SOX5: variants seen among roughly 807,000 people sequenced by gnomAD.
SOX5 encodes transcription factor SOX-5.
Under a neutral mutation model 92.0 loss-of-function variants are expected in SOX5, and 9 were observed. That is an observed-to-expected ratio of 0.10 (90% CI 0.06 to 0.17). The LOEUF (loss-of-function observed/expected upper bound fraction) is 0.17. Ranked by LOEUF, SOX5 falls within the 10% of genes least tolerant of loss-of-function variation. SOX5 has a pLI of 1.00. For missense variants in SOX5, 642 were observed against 944.5 expected, an observed-to-expected ratio of 0.68 and a Z score of 4.20; for synonymous variants, 344 against 336.3, an observed-to-expected ratio of 1.02 and a Z score of -0.25.
At chr12:24,160,003 C>T (rs1348608157) in intron 4 of SOX5, among the ~76,000 whole-genome samples, 1 of 151,822 alleles carries the variant, frequency 6.6e-6, no homozygotes, top group African/African-American at 2.4e-5. Flanking sequence ...ATAACCATTA[C>T]ATATAGAAAA....
chr12:23,732,910 T>C (rs2093444565), intron 6 of SOX5, among the ~76,000 whole-genome samples: 1 of 152,182 alleles, frequency 6.6e-6, no homozygotes. Flanking sequence ...TAAGTGCTTT[T>C]CATTAAAAAA....
intron 3 of SOX5, among the ~76,000 whole-genome samples, chr12:23,810,799 T>C (rs2142406971): frequency 6.6e-6 from 1 of 152,292 alleles, no homozygotes; most frequent in Non-Finnish European, 1.5e-5. Context: ...CAACAGTGGA[T>C]AAAGATCACT....
chr12:24,216,444 A>G (rs1959172959), intron 3 of SOX5, among the ~76,000 whole-genome samples: 1 of 152,040 alleles, frequency 6.6e-6, no homozygotes, highest in Non-Finnish European at 1.5e-5. Context: ...AGGTCACGCC[A>G]CCGCACTACA....
At chr12:24,059,096 A>G (rs1214841102) in intron 4 of SOX5, among the ~76,000 whole-genome samples, 6 of 151,934 alleles carry the variant, frequency 3.9e-5, no homozygotes, top group Non-Finnish European at 7.4e-5. Flanking sequence ...CTCTCTACAT[A>G]ATTATATACA....
intron 6 of SOX5, among the ~76,000 whole-genome samples, chr12:23,677,494 C>T (rs911491364): frequency 1.3e-5 from 2 of 152,114 alleles, no homozygotes; most frequent in African/African-American, 4.8e-5. Flanking sequence ...AGTAACATAA[C>T]TGGAACATAT....
intron 3 of SOX5, among the ~76,000 whole-genome samples, chr12:23,841,026 A>G (rs1056551070): frequency 2.6e-5 from 4 of 152,172 alleles, no homozygotes; most frequent in African/African-American, 9.6e-5. Flanking sequence ...TCAAAAGACA[A>G]TGTTAAGACA....
intron 9 of SOX5, among the ~76,000 whole-genome samples, chr12:23,603,557 G>A (rs2074844794): frequency 6.7e-6 from 1 of 150,196 alleles, no homozygotes; most frequent in African/African-American, 2.4e-5. Flanking sequence ...GTAATCTCAA[G>A]GAATACTGCT....
intron 1 of SOX5, among the ~76,000 whole-genome samples, chr12:24,420,403 G>C (rs1484050434): frequency 6.6e-6 from 1 of 152,128 alleles, no homozygotes; most frequent in Non-Finnish European, 1.5e-5. Context: ...CAACTTGAAA[G>C]GGTTCCCATT....
At chr12:24,124,015 C>G (rs1792639678) in intron 4 of SOX5, among the ~76,000 whole-genome samples, 1 of 152,166 alleles carries the variant, frequency 6.6e-6, no homozygotes, top group African/African-American at 2.4e-5. Flanking sequence ...AATTGCATGG[C>G]TGGTTAAAAT....
intron 1 of SOX5, among the ~76,000 whole-genome samples, chr12:24,547,902 A>G (rs1029608973): frequency 2.0e-5 from 3 of 152,212 alleles, no homozygotes; most frequent in African/African-American, 7.2e-5. Context: ...CTTAAATTCA[A>G]ATCTGAATTC....
intron 1 of SOX5, among the ~76,000 whole-genome samples, chr12:24,388,280 T>G (rs1958627998): frequency 6.6e-6 from 1 of 152,184 alleles, no homozygotes; most frequent in Non-Finnish European, 1.5e-5. Context: ...CTCGACCCTT[T>G]GCCCAGCTTG....
chr12:24,197,114 G>A (rs1384483194), intron 4 of SOX5, among the ~76,000 whole-genome samples: 1 of 152,152 alleles, frequency 6.6e-6, no homozygotes, highest in Non-Finnish European at 1.5e-5. Context: ...ATAACTAACT[G>A]TTTGTCAATT....
chr12:23,899,229 C>G (rs764848296), intron 1 of SOX5, among the ~76,000 whole-genome samples: 1 of 151,908 alleles, frequency 6.6e-6, no homozygotes. Context: ...TGGAGAAACC[C>G]CATCTCTACT....
chr12:23,944,666 T>C (rs918256157), intron 1 of SOX5, among the ~76,000 whole-genome samples: 4 of 152,116 alleles, frequency 2.6e-5, no homozygotes, highest in African/African-American at 9.7e-5. Flanking sequence ...CAATCAAATT[T>C]CACATTTAAT....
chr12:24,516,106 G>A (rs1345376836), intron 1 of SOX5, among the ~76,000 whole-genome samples: 4 of 150,336 alleles, frequency 2.7e-5, no homozygotes, highest in Admixed American at 6.6e-5. Context: ...GCAGTGGTGC[G>A]ATCATAGCTC....
At chr12:23,671,731 G>C (rs1034659802) in intron 6 of SOX5, among the ~76,000 whole-genome samples, 4 of 152,082 alleles carry the variant, frequency 2.6e-5, no homozygotes, top group Non-Finnish European at 5.9e-5. Context: ...GAAGACTAAA[G>C]AACATCTCAT....
chr12:23,837,232 A>G (rs934905041), intron 3 of SOX5, among the ~76,000 whole-genome samples: 1 of 82,752 alleles, frequency 1.2e-5, no homozygotes, highest in African/African-American at 3.4e-5. Context: ...TATATAATAT[A>G]TATTTATATA....
At chr12:23,635,728 G>A (rs764759039) in intron 8 of SOX5, among the ~76,000 whole-genome samples, 3 of 152,072 alleles carry the variant, frequency 2.0e-5, no homozygotes, top group Non-Finnish European at 4.4e-5. Flanking sequence ...ATAGTGGAGA[G>A]TGCATTGAAA....
intron 3 of SOX5, among the ~76,000 whole-genome samples, chr12:23,776,449 AC>A (rs1466007247): frequency 1.3e-5 from 2 of 152,200 alleles, no homozygotes; most frequent in Non-Finnish European, 2.9e-5. Context: ...CAGAGAAGAA[AC>A]TATAGAAACA....
Sources: gnomAD v4.1 joint callset for allele counts (sites outside exome capture counted in the v4.1 genomes callset) on GRCh38, gnomAD v4.1.1 for gene constraint, MANE v1.5 for transcripts, NCBI Gene and HGNC (gene_info 2026-07-23, HGNC 2026-07-21) for gene names.